Variants in ESRP1 observed in about 807,000 individuals in gnomAD.
ESRP1 encodes epithelial splicing regulatory protein 1.
ESRP1 carries 33 observed loss-of-function variants against 81.7 expected under a neutral mutation model. The ratio of observed to expected loss-of-function variants is 0.40; its 90% confidence interval spans 0.31 to 0.54. The LOEUF is 0.54. Ranked by LOEUF, ESRP1 falls within the 20% of genes least tolerant of loss-of-function variation. The pLI is 0.41. For missense variants in ESRP1, 672 were observed against 833.1 expected, an observed-to-expected ratio of 0.81 and a Z score of 2.38; for synonymous variants, 320 against 303.3, an observed-to-expected ratio of 1.06 and a Z score of -0.57.
At chr8:94,641,643 C>G (rs996924133) in intron 1 of ESRP1, 193 bp downstream of exon 1, 1 of 816,476 alleles carries the variant, frequency 1.2e-6, no homozygotes, top group African/African-American at 1.7e-5. Context: ...CATTTCAGTC[C>G]TCCGCAACTT....
rs10618511 is a variant in ESRP1 at position 94,704,766 on chromosome 8, G to GAA, written c.*36-1133_*36-1132dup. Among the ~76,000 whole-genome samples the GAA allele has an allele frequency of 2.0e-3, 214 of 108,758 alleles. 16 individuals carry two copies. The highest frequency in any genetic ancestry group is 3.2e-3 in the Non-Finnish European group (174 of 54,690). The allele number at this position is 108,758 out of a possible 152,430, so 71.3% of individuals were successfully genotyped here. On this transcript the variant is annotated intron_variant, in intron 15 of 15. Transcript: ENST00000433389. Reference sequence around the variant, plus strand: ...ACAATGCAAGGCACCATCTCTTTTTGAAAAAAAAAAAAAAAAAAAAAAAAA... The same window carrying GAA: ...ACAATGCAAGGCACCATCTCTTTTTGAAAAAAAAAAAAAAAAAAAAAAAAAAA...
At chr8:94,658,487 TG>T (rs1170463950) in intron 4 of ESRP1, among the ~76,000 whole-genome samples, 1 of 152,204 alleles carries the variant, frequency 6.6e-6, no homozygotes, top group Non-Finnish European at 1.5e-5. Flanking sequence ...AATTGACGAT[TG>T]TGGCCTAGAA....
At chr8:94,663,446 G>C (rs1010508510) in intron 6 of ESRP1, among the ~76,000 whole-genome samples, 1 of 151,944 alleles carries the variant, frequency 6.6e-6, no homozygotes, top group Non-Finnish European at 1.5e-5. Context: ...GGGTTTTGCC[G>C]TGTTGACCAG....
At chr8:94,663,808 G>A (rs1389615777) in intron 6 of ESRP1, among the ~76,000 whole-genome samples, 1 of 152,154 alleles carries the variant, frequency 6.6e-6, no homozygotes, top group African/African-American at 2.4e-5. Flanking sequence ...ACATCAAAAG[G>A]TGTCAAAATA....
chr8:94,671,297 T>C (rs1819310023), intron 10 of ESRP1, among the ~76,000 whole-genome samples, 156 bp from the exon 11 acceptor site: 2 of 152,226 alleles, frequency 1.3e-5, no homozygotes, highest in South Asian at 2.1e-4. Flanking sequence ...TCTGAATCAC[T>C]TGAAGATTCA....
intron 3 of ESRP1, 102 bp from the exon 4 acceptor site, chr8:94,646,066 C>A: frequency 5.0e-6 from 3 of 594,184 alleles, no homozygotes; most frequent in East Asian, 3.0e-5. Flanking sequence ...TAAATTTTTC[C>A]ATTGTAAAAT....
chr8:94,648,611 G>A lies in ESRP1; in HGVS notation c.490+2329G>A, dbSNP rs140252379. 2.1e-4 allele frequency among the ~76,000 whole-genome samples: 32 copies of A among 152,322 alleles called. No homozygotes were observed. The East Asian group carries it at 5.0e-3, about 24-fold the overall frequency. On this transcript the variant is annotated intron_variant, in intron 4 of 15. Coordinates refer to ENST00000433389, the MANE Select transcript of ESRP1 (RefSeq NM_017697.4). ...GTGACGCTGAATTGGGAGATCTGTA[G>A]TCATTAAACATTCTTGATGGTTTTG...
At chr8:94,649,047 C>G (rs976597195) in intron 4 of ESRP1, among the ~76,000 whole-genome samples, 10 of 152,254 alleles carry the variant, frequency 6.6e-5, no homozygotes, top group Admixed American at 1.3e-4. Flanking sequence ...ATGGCGAAAC[C>G]CCGTCTCTGC....
chr8:94,677,152 A>G (rs1808679272), intron 12 of ESRP1, among the ~76,000 whole-genome samples: 1 of 152,114 alleles, frequency 6.6e-6, no homozygotes, highest in Non-Finnish European at 1.5e-5. Flanking sequence ...TTTTTTCTAT[A>G]CGCCCATATT....
At chr8:94,699,867 C>A (rs1484308528) in intron 15 of ESRP1, among the ~76,000 whole-genome samples, 1 of 150,192 alleles carries the variant, frequency 6.7e-6, no homozygotes, top group African/African-American at 2.5e-5. Flanking sequence ...CAATTTTGAA[C>A]CTTGTTTCTT....
chr8:94,678,465 G>A (rs1422963584), intron 13 of ESRP1, 94 bp downstream of exon 13: 2 of 1,446,216 alleles, frequency 1.4e-6, no homozygotes, highest in Non-Finnish European at 9.3e-7. Context: ...TGTCTGCCAT[G>A]TTGAAGGTTA....
At position 94,704,175 on chromosome 8, in the gene ESRP1, C is replaced by CTTTTTT. The variant is rs34541416; in HGVS notation, c.*36-1739_*36-1734dup. Among the ~76,000 whole-genome samples the CTTTTTT allele has an allele frequency of 7.7e-3, 999 of 128,966 alleles. 54 individuals carry two copies. Among genetic ancestry groups the CTTTTTT allele is most frequent in the African/African-American group, 0.028 (942 of 33,614 alleles). 84.6% of individuals were successfully genotyped at this position (128,966 alleles called of 152,430 possible). ...AATTAATCTTCATGTGCTTCTGAGACTTTTTTTTTTTTTTTTGCTAGCAGT... is the reference window on the plus strand; with the variant it reads ...AATTAATCTTCATGTGCTTCTGAGACTTTTTTTTTTTTTTTTTTTTTTGCTAGCAGT... On this transcript the variant is annotated intron_variant, in intron 15 of 15. Coordinates refer to ENST00000433389, the MANE Select transcript of ESRP1 (RefSeq NM_017697.4).
At position 94,641,314 on chromosome 8, in the gene ESRP1, T is replaced by C. The variant is rs1475298450; in HGVS notation, c.-5T>C. Reference sequence around the variant, plus strand: ...CCCCCCCTCTCCCCCTCCCCACCTATCGTCATGACGGCCTCTCCGGATTAC... The same window carrying C: ...CCCCCCCTCTCCCCCTCCCCACCTACCGTCATGACGGCCTCTCCGGATTAC... On this transcript the variant is annotated 5_prime_UTR_variant, in exon 1 of 16. Transcript: ENST00000433389. 4.1e-6 allele frequency: 6 copies of C among 1,462,896 alleles called. No homozygotes were observed. The highest frequency in any genetic ancestry group is 5.7e-6 in the Non-Finnish European group (6 of 1,058,042). 90.6% of individuals were successfully genotyped at this position (1,462,896 alleles called of 1,614,324 possible).
chr8:94,660,115 A>G (rs1818641644), intron 4 of ESRP1, among the ~76,000 whole-genome samples: 1 of 152,226 alleles, frequency 6.6e-6, no homozygotes, highest in Admixed American at 6.5e-5. Flanking sequence ...CAGCTACACT[A>G]AGCAGATTTT....
intron 12 of ESRP1, 89 bp from the exon 13 acceptor site, chr8:94,678,114 A>G: frequency 7.4e-7 from 1 of 1,360,446 alleles, no homozygotes; most frequent in Non-Finnish European, 1.0e-6. Context: ...TAAAATGTGT[A>G]GATGGAACAG....
intron 9 of ESRP1, 113 bp from the exon 10 acceptor site, chr8:94,667,836 A>T (rs1586208139): frequency 1.2e-6 from 1 of 843,518 alleles, no homozygotes; most frequent in East Asian, 2.6e-5. Context: ...CAGTAGGAGT[A>T]TGGGTCTTCA....
At chr8:94,645,852 T>C (rs1199403595) in intron 3 of ESRP1, among the ~76,000 whole-genome samples, 2 of 152,156 alleles carry the variant, frequency 1.3e-5, no homozygotes, top group Non-Finnish European at 2.9e-5. Flanking sequence ...AAAAAATTAG[T>C]ATTAACAGCC....
chr8:94,657,181 T>C (rs1176618186), intron 4 of ESRP1, among the ~76,000 whole-genome samples: 1 of 152,216 alleles, frequency 6.6e-6, no homozygotes, highest in Non-Finnish European at 1.5e-5. Flanking sequence ...GTACCCTTCC[T>C]CATTTCCTTG....
chr8:94,680,635 G>A lies in ESRP1; in HGVS notation c.1820+2264G>A, dbSNP rs145310743. Among the ~76,000 whole-genome samples the A allele has an allele frequency of 4.1e-3, 617 of 151,998 alleles. 1 individual carries two copies. Among genetic ancestry groups the A allele is most frequent in the African/African-American group, 0.013 (548 of 41,468 alleles). ...AGAGAAGGGGTTTCTCCATGTTGGT[G>A]AGGCTGGTCTCAAACTCCCGACCTC... On this transcript the variant is annotated intron_variant, in intron 13 of 15. Transcript: ENST00000433389.
Sources: gnomAD v4.1 joint callset for allele counts (sites outside exome capture counted in the v4.1 genomes callset) on GRCh38, gnomAD v4.1.1 for gene constraint, MANE v1.5 for transcripts, NCBI Gene and HGNC (gene_info 2026-07-23, HGNC 2026-07-21) for gene names.